The following POLR3A variants were observed in gnomAD, a reference collection of about 807,000 sequenced individuals.
POLR3A encodes the protein RNA polymerase III subunit A.
In POLR3A, 112 loss-of-function variants were observed where a neutral mutation model predicts 152.8. The observed-to-expected ratio is 0.73, with a 90% confidence interval of 0.63 to 0.86. The LOEUF (loss-of-function observed/expected upper bound fraction) is 0.86, where lower values mean the gene tolerates loss of function less well. Ranked by LOEUF, POLR3A falls within the 40% of genes least tolerant of loss-of-function variation. The probability of loss-of-function intolerance (pLI) is 0.00; values close to 1 mark genes in which losing one functional copy is unlikely to be tolerated. For synonymous variants in POLR3A, 615 were observed against 652.1 expected (o/e 0.94, Z 0.87); for missense variants, 1,385 against 1,743.1 (o/e 0.79, Z 3.66).
intron 29 of POLR3A, among the ~76,000 whole-genome samples, chr10:77,981,130 G>A (rs1009440924): frequency 2.0e-5 from 3 of 152,068 alleles, no homozygotes; most frequent in African/African-American, 7.2e-5. Context: ...CTTTGGCAGT[G>A]GCTAATTTTG....
rs1219478485 is a variant in POLR3A at position 78,009,563 on chromosome 10, C to T, written c.1883G>A (p.Gly628Glu). ...GGAATCATTGGCACAGAGATCTTCC[C>T]CTTTGCCACAGTACTGCTTGCCCTT... Reference protein sequence around the residue: ...RTKGKQYCGKGEDLCANDSYV... With the variant: ...RTKGKQYCGKEEDLCANDSYV... The change falls in exon 14 of 31, where the codon GGG (glycine) becomes GAG (glutamate). Residue 628 changes from glycine (G) to glutamate (E), a missense_variant. Physicochemically the swap from Gly to Glu is moderately conservative, Grantham distance 98. Coordinates refer to ENST00000372371, the MANE Select transcript of POLR3A (RefSeq NM_007055.4). 1.9e-6 allele frequency: 3 copies of T among 1,614,216 alleles called. No homozygotes were observed. Among genetic ancestry groups the T allele is most frequent in the Non-Finnish European group, 2.5e-6 (3 of 1,180,052 alleles).
chr10:78,028,749 C>T (rs765787283), intron 1 of POLR3A, among the ~76,000 whole-genome samples: 10 of 152,030 alleles, frequency 6.6e-5, no homozygotes, highest in Admixed American at 6.6e-5. Flanking sequence ...GAGATTCACC[C>T]GCTTCGGCCT....
chr10:78,005,402 A>G (rs1167376635), intron 15 of POLR3A, among the ~76,000 whole-genome samples: 1 of 152,230 alleles, frequency 6.6e-6, no homozygotes, highest in African/African-American at 2.4e-5. Context: ...AGCCATAATC[A>G]CATCACTGCG....
chr10:77,984,207 C>T lies in POLR3A; in HGVS notation c.3334G>A (p.Glu1112Lys). The change falls in exon 25 of 31, where the codon GAG becomes AAG. Residue 1112 changes from glutamate to lysine, a missense_variant and splice_region_variant. Glu to Lys is a moderately conservative substitution (Grantham distance 56). Coordinates refer to ENST00000372371, the MANE Select transcript of POLR3A (RefSeq NM_007055.4). ...KGRIEKTLLG[E>K]ISEYIEEVFL... ...TATCAATAGGGATTTCTTCTTACCTCTCCCAAGAGGGTTTTCTCAATTCTC... is the reference window on the plus strand; with the variant it reads ...TATCAATAGGGATTTCTTCTTACCTTTCCCAAGAGGGTTTTCTCAATTCTC... 6.3e-7 allele frequency: 1 copy of T among 1,594,536 alleles called. No homozygotes were observed. The highest frequency in any genetic ancestry group is 8.6e-7 in the Non-Finnish European group (1 of 1,162,378).
chr10:77,981,506 G>C lies in POLR3A; in HGVS notation c.3813C>G (p.Ile1271Met). The C allele has an allele frequency of 1.9e-6, 3 of 1,614,012 alleles. No individual in the cohort carries two copies. The highest frequency in any genetic ancestry group is 2.5e-6 in the Non-Finnish European group (3 of 1,179,914). Reference protein sequence around the residue: ...EAARTTIINEIQYTMVNHGMS... With the variant: ...EAARTTIINEMQYTMVNHGMS... ...TGCCGTGGTTCACCATGGTGTACTGGATTTCATTGATGATCGTTGTCCGGG... is the reference window on the plus strand; with the variant it reads ...TGCCGTGGTTCACCATGGTGTACTGCATTTCATTGATGATCGTTGTCCGGG... Residue 1271 changes from isoleucine (I) to methionine (M), a missense_variant, in exon 29 of 31, where the codon ATC becomes ATG. Around this residue, in one of 7 missense-constraint regions of POLR3A, gnomAD observed 332 missense variants for 400.1 expected, o/e 0.83. Coordinates refer to ENST00000372371, the MANE Select transcript of POLR3A (RefSeq NM_007055.4).
intron 19 of POLR3A, among the ~76,000 whole-genome samples, chr10:77,996,689 A>C (rs192120546): frequency 0.032 from 4,859 of 152,092 alleles, 288 homozygotes; most frequent in African/African-American, 0.11. Context: ...CAACCAAAAA[A>C]AGTCCAGGAC....
Position 78,026,243 on chromosome 10 carries a change from A to AAAAAGGTGAAAATTACAGC in POLR3A, c.45-33_45-15dup. 1 of 1,613,906 alleles carries AAAAAGGTGAAAATTACAGC rather than the reference A, an allele frequency of 6.2e-7. No individual in the cohort carries two copies. The highest frequency in any genetic ancestry group is 8.5e-7 in the Non-Finnish European group (1 of 1,179,832). ...CAGATGTGGCTTCTGGAATGGGAAG[A>AAAAAGGTGAAAATTACAGC]AAAAGGTGAAAATTACAGCAAAATC... On this transcript the variant is annotated splice_polypyrimidine_tract_variant and intron_variant, in intron 1 of 30. Transcript: ENST00000372371.
chr10:77,984,166 G>A, intron 25 of POLR3A, 39 bp downstream of exon 25: 1 of 1,387,216 alleles, frequency 7.2e-7, no homozygotes, highest in Middle Eastern at 1.8e-4. Context: ...CAACATTGCT[G>A]AGCTAGTTTT....
In POLR3A at chr10:77,983,911, G is replaced by A. The variant is rs750798872; in HGVS notation, c.3429+9C>T. ...TGACTTCCTCTCTACATTTAATTAT[G>A]TGACTCACTTCCAGTCTCAGAAGCC... is the stretch of plus-strand genomic sequence containing the variant. On this transcript the variant is annotated intron_variant, in intron 26 of 30. Transcript: ENST00000372371. The A allele has an allele frequency of 2.6e-6, 4 of 1,551,630 alleles. No individual in the cohort carries two copies. The highest frequency in any genetic ancestry group is 3.6e-6 in the Non-Finnish European group (4 of 1,123,228).
rs747766668 is a variant in POLR3A, at chr10:77,985,882, C to T, written c.3071+21G>A. 4.4e-6 allele frequency: 7 copies of T among 1,590,596 alleles called. No homozygotes were observed. The Admixed American group carries it at 1.2e-4, about 27-fold the overall frequency. On this transcript the variant is annotated intron_variant, in intron 23 of 30. Transcript: ENST00000372371. ...GAGACCTATGTGGATGACCGTCAGTCCAAGACAAAAGCATCCCTACCTCAT... is the reference window on the plus strand; with the variant it reads ...GAGACCTATGTGGATGACCGTCAGTTCAAGACAAAAGCATCCCTACCTCAT...
intron 30 of POLR3A, among the ~76,000 whole-genome samples, 165 bp from the exon 31 acceptor site, chr10:77,977,791 G>T (rs1847103991): frequency 6.6e-6 from 1 of 152,154 alleles, no homozygotes; most frequent in Non-Finnish European, 1.5e-5. Flanking sequence ...TAAAAAGGGT[G>T]GCTGTGGAGT....
At chr10:77,995,904 G>C (rs1342874500) in intron 19 of POLR3A, among the ~76,000 whole-genome samples, 1 of 152,144 alleles carries the variant, frequency 6.6e-6, no homozygotes, top group Non-Finnish European at 1.5e-5. Context: ...TGACCACACA[G>C]TTGGAAGTAA....
At position 77,984,257 on chromosome 10, in the gene POLR3A, G is replaced by A. The variant is rs753401810; in HGVS notation, c.3284C>T (p.Ala1095Val). 3.3e-5 allele frequency: 53 copies of A among 1,613,218 alleles called. No homozygotes were observed. Among genetic ancestry groups the A allele is most frequent in the East Asian group, 2.5e-4 (11 of 44,884 alleles). Reference protein sequence around the residue: ...ITAQLDKDDDADYARLVKGRI... With the variant: ...ITAQLDKDDDVDYARLVKGRI... ...CCCTTTCACGAGGCGAGCATAATCCGCGTCGTCATCCTTGTCTAGCTGTGC... is the reference window on the plus strand; with the variant it reads ...CCCTTTCACGAGGCGAGCATAATCCACGTCGTCATCCTTGTCTAGCTGTGC... The change falls in exon 25 of 31, where the codon GCG becomes GTG. Residue 1095 changes from alanine to valine, a missense_variant. Ala to Val is a moderately conservative substitution (Grantham distance 64). This residue lies in a region of POLR3A where 332 missense variants were observed against 400.1 expected (regional missense o/e 0.83). Transcript: ENST00000372371.
chr10:78,007,116 G>A (rs898017072), intron 15 of POLR3A, among the ~76,000 whole-genome samples: 2 of 151,992 alleles, frequency 1.3e-5, no homozygotes, highest in Non-Finnish European at 2.9e-5. Flanking sequence ...GAATAAGAAC[G>A]ACAATACCTG....
chr10:78,016,011 A>C (rs1847519996), intron 10 of POLR3A, among the ~76,000 whole-genome samples: 1 of 152,222 alleles, frequency 6.6e-6, no homozygotes, highest in African/African-American at 2.4e-5. Context: ...AATCTATGAA[A>C]AAATATTACC....
intron 8 of POLR3A, among the ~76,000 whole-genome samples, chr10:78,020,753 A>C (rs899430630): frequency 6.6e-6 from 1 of 152,190 alleles, no homozygotes; most frequent in Admixed American, 6.5e-5. Context: ...ACGCCACTGC[A>C]CTCCAGCCTG....
chr10:77,984,070 A>G, intron 25 of POLR3A, 58 bp from the exon 26 acceptor site: 1 of 1,368,014 alleles, frequency 7.3e-7, no homozygotes. Context: ...CTAAGAGCAC[A>G]CGACTGCTTG....
rs775160820 is a variant in POLR3A at position 78,000,034 on chromosome 10, G to A, written c.2563C>T (p.Arg855Trp). The A allele has an allele frequency of 1.2e-6, 2 of 1,613,998 alleles. No individual in the cohort carries two copies. Among genetic ancestry groups the A allele is most frequent in the Admixed American group, 1.7e-5 (1 of 60,014 alleles). The change falls in exon 19 of 31, where the codon CGG becomes TGG. Residue 855 changes from arginine (R) to tryptophan (W), a missense_variant. This residue lies in a region of POLR3A where 170 missense variants were observed against 231.2 expected (regional missense o/e 0.74). Transcript: ENST00000372371. ...ACAGCCGTGTCGACTAGACCTTCCC[G>A]GCCGGCCATTGTGTGGAAGAAAAAC... ...TEFFFHTMAG[R>W]EGLVDTAVKT...
At chr10:77,989,177 A>T (rs2131933941) in intron 21 of POLR3A, among the ~76,000 whole-genome samples, 1 of 152,356 alleles carries the variant, frequency 6.6e-6, no homozygotes, top group Admixed American at 6.5e-5. Flanking sequence ...GAGTCAACCC[A>T]TGCATACTAG....
Sources: gnomAD v4.1 joint callset for allele counts (sites outside exome capture counted in the v4.1 genomes callset) on GRCh38, gnomAD v4.1.1 for gene constraint, gnomAD v4.1.1 regional missense constraint, MANE v1.5 for transcripts, NCBI Gene and HGNC (gene_info 2026-07-23, HGNC 2026-07-21) for gene names.